Variants in ZBTB34 observed in about 807,000 individuals in gnomAD.
The protein encoded by ZBTB34 is zinc finger and BTB domain containing 34.
A neutral mutation model predicts 33.4 loss-of-function variants in ZBTB34; 1 was observed. The ratio of observed to expected loss-of-function variants is 0.03; its 90% CI spans 0.01 to 0.14. The LOEUF is 0.14. ZBTB34 is among the 10% of genes least tolerant of loss of function. ZBTB34 has a pLI of 1.00. For missense variants in ZBTB34, 406 were observed against 657.2 expected, an observed-to-expected ratio of 0.62 and a Z score of 4.18; for synonymous variants, 283 against 253.5, an observed-to-expected ratio of 1.12 and a Z score of -1.11.
chr9:126,870,910 G>C (rs1232465559), intron 1 of ZBTB34, among the ~76,000 whole-genome samples: 1 of 151,668 alleles, frequency 6.6e-6, no homozygotes, highest in African/African-American at 2.4e-5. Flanking sequence ...CTGGGCCACA[G>C]AGTGAGACTC....
chr9:126,867,470 T>C (rs1194255821), intron 1 of ZBTB34, among the ~76,000 whole-genome samples: 4 of 149,052 alleles, frequency 2.7e-5, no homozygotes, highest in Non-Finnish European at 5.9e-5. Context: ...TTTTGAGCTG[T>C]TTGTATCCTT....
At chr9:126,864,667 A>G (rs1342355139) in intron 1 of ZBTB34, among the ~76,000 whole-genome samples, 1 of 151,162 alleles carries the variant, frequency 6.6e-6, no homozygotes, top group Non-Finnish European at 1.5e-5. Context: ...TTTTTCTTGC[A>G]TTGGGTTTCA....
intron 1 of ZBTB34, among the ~76,000 whole-genome samples, chr9:126,874,893 A>T (rs140031088): frequency 6.6e-6 from 1 of 152,170 alleles, no homozygotes; most frequent in Non-Finnish European, 1.5e-5. Flanking sequence ...GAAAGATCTC[A>T]TAGCTTTTAT....
exon 2 of ZBTB34, chr9:126,881,946 T>C (rs139780948): frequency 6.0e-6 from 1 of 166,944 alleles, no homozygotes; most frequent in East Asian, 1.9e-4. Context: ...CCAAGCAGTG[T>C]TGTGGTTTTT....
exon 2 of ZBTB34, chr9:126,884,159 T>G (rs1232349116): frequency 1.8e-5 from 3 of 167,084 alleles, no homozygotes; most frequent in Non-Finnish European, 4.4e-5. Flanking sequence ...ATTGAGTCTC[T>G]TCTTGAGCTA....
At chr9:126,870,657 T>A (rs1391525578) in intron 1 of ZBTB34, among the ~76,000 whole-genome samples, 1 of 152,234 alleles carries the variant, frequency 6.6e-6, no homozygotes, top group Non-Finnish European at 1.5e-5. Context: ...CCGGGCGCAG[T>A]GGCTCACGCC....
intron 1 of ZBTB34, among the ~76,000 whole-genome samples, chr9:126,866,957 T>G (rs371974483): frequency 1.4e-4 from 21 of 152,318 alleles, no homozygotes; most frequent in South Asian, 1.0e-3. Context: ...AAAACGTACA[T>G]GAAGGGAATG....
chr9:126,862,461 C>G (rs1312195643), intron 1 of ZBTB34, among the ~76,000 whole-genome samples: 1 of 152,182 alleles, frequency 6.6e-6, no homozygotes, highest in East Asian at 1.9e-4. Flanking sequence ...CCTGTCTTTT[C>G]AAGACTCTCC....
chr9:126,883,108 C>T (rs2033466807), exon 2 of ZBTB34: 1 of 166,548 alleles, frequency 6.0e-6, no homozygotes, highest in Non-Finnish European at 1.5e-5. Flanking sequence ...GGAGGCTGGA[C>T]CCCAAGTGTT....
chr9:126,880,523 G>A lies in ZBTB34; in HGVS notation c.1124G>A (p.Arg375Lys). ...GGGCATTGGTACCCGTACAATGAGA[G>A]GTTGATCTGTATTTACTGTGGAAAG... is the stretch of plus-strand genomic sequence containing the variant. Residue 375 changes from arginine (R) to lysine (K), a missense_variant, in exon 2 of 2, where the codon AGG (arginine) becomes AAG (lysine). Transcript: ENST00000319119. The surrounding 1 kb of genome is among the most constrained non-coding windows in gnomAD (Gnocchi z 6.7). The A allele has an allele frequency of 6.2e-7, 1 of 1,613,892 alleles. No homozygotes were observed.
chr9:126,875,976 G>T (rs899752805), intron 1 of ZBTB34, among the ~76,000 whole-genome samples: 1 of 151,790 alleles, frequency 6.6e-6, no homozygotes, highest in Non-Finnish European at 1.5e-5. Context: ...CATTAAATGA[G>T]TTTGCAAACT....
At chr9:126,873,165 A>G (rs535610821) in intron 1 of ZBTB34, among the ~76,000 whole-genome samples, 44 of 152,208 alleles carry the variant, frequency 2.9e-4, no homozygotes, top group Non-Finnish European at 5.0e-4. Flanking sequence ...TGAGAATGCT[A>G]TGATGAGTAG....
intron 1 of ZBTB34, among the ~76,000 whole-genome samples, chr9:126,865,076 C>T (rs537178330): frequency 6.6e-6 from 1 of 151,880 alleles, no homozygotes; most frequent in African/African-American, 2.4e-5. Context: ...TGTAACTTTC[C>T]TTTCTTTTCT....
At chr9:126,871,216 G>T (rs2119216161) in intron 1 of ZBTB34, among the ~76,000 whole-genome samples, 1 of 146,898 alleles carries the variant, frequency 6.8e-6, no homozygotes, top group East Asian at 2.1e-4. Flanking sequence ...TGTGTGTGTG[G>T]AGTGGGGGTG....
chr9:126,881,383 CTA>C (rs1384583634), exon 2 of ZBTB34: 1 of 160,616 alleles, frequency 6.2e-6, no homozygotes, highest in Non-Finnish European at 1.5e-5. Context: ...TATAATAAAA[CTA>C]TTATTATATA....
At chr9:126,878,441 G>C (rs191406648) in intron 1 of ZBTB34, among the ~76,000 whole-genome samples, 3 of 151,558 alleles carry the variant, frequency 2.0e-5, no homozygotes, top group African/African-American at 7.3e-5. Context: ...CTGCACTCCA[G>C]CCTGTGCAAC....
intron 1 of ZBTB34, among the ~76,000 whole-genome samples, chr9:126,865,521 G>C (rs1330345698): frequency 6.6e-6 from 1 of 152,208 alleles, no homozygotes; most frequent in Non-Finnish European, 1.5e-5. Flanking sequence ...TTGTAGAGGA[G>C]ATTTTAAGGC....
chr9:126,868,095 G>C (rs1002128256), intron 1 of ZBTB34, among the ~76,000 whole-genome samples: 1 of 152,192 alleles, frequency 6.6e-6, no homozygotes, highest in African/African-American at 2.4e-5. Context: ...AATGTGACAT[G>C]ATGGTCGCTT....
At chr9:126,863,422 CTGCACCGCTG>C (rs2033165292) in intron 1 of ZBTB34, among the ~76,000 whole-genome samples, 1 of 152,198 alleles carries the variant, frequency 6.6e-6, no homozygotes, top group Non-Finnish European at 1.5e-5. Flanking sequence ...TTTTGGATTT[CTGCACCGCTG>C]TGTCCCCCCA....
Sources: allele counts gnomAD v4.1 joint callset (sites outside exome capture counted in the v4.1 genomes callset), GRCh38; gene constraint gnomAD v4.1.1; non-coding constraint Gnocchi (gnomAD v3.1); transcripts MANE v1.5; gene names NCBI Gene and HGNC (gene_info 2026-07-23, HGNC 2026-07-21).